Variants in VPS13D observed in about 807,000 individuals in gnomAD.
The protein encoded by VPS13D is vacuolar protein sorting 13 homolog D.
VPS13D carries 187 observed loss-of-function variants against 461.9 expected under a neutral mutation model. That is an observed-to-expected ratio of 0.40 (90% CI 0.36 to 0.46). The LOEUF (loss-of-function observed/expected upper bound fraction) is 0.46, where lower values mean the gene tolerates loss of function less well. VPS13D is among the 20% of genes least tolerant of loss of function. The probability of loss-of-function intolerance (pLI) is 0.60; values close to 1 mark genes in which losing one functional copy is unlikely to be tolerated. For synonymous variants in VPS13D, 1,951 were observed against 1,986.3 expected (o/e 0.98, Z 0.47); for missense variants, 4,711 against 5,364.9 (o/e 0.88, Z 3.81).
chr1:12,244,607 A>G lies in VPS13D; in HGVS notation c.437A>G (p.Glu146Gly). The G allele has an allele frequency of 6.2e-7, 1 of 1,614,000 alleles. No homozygotes were observed. The highest frequency in any genetic ancestry group is 1.1e-5 in the South Asian group (1 of 91,074). ...GCCTCCGTAGTTACAAGGATTGTGG[A>G]GAATATTGAAGTAAGTCCTGCTGAC... ...VTASVVTRIV[E>G]NIELKIQDVH... The change falls in exon 5 of 70, where the codon GAG (glutamate) becomes GGG (glycine). Residue 146 changes from glutamate to glycine, a missense_variant. This residue lies in a region of VPS13D where 4,411 missense variants were observed against 4,937.8 expected (regional missense o/e 0.89). Coordinates refer to ENST00000620676, the MANE Select transcript of VPS13D (RefSeq NM_015378.4).
At chr1:12,441,678 C>T (rs1349742456) in intron 65 of VPS13D, among the ~76,000 whole-genome samples, 2 of 152,194 alleles carry the variant, frequency 1.3e-5, no homozygotes, top group Non-Finnish European at 2.9e-5. Flanking sequence ...AGCTGTCCCC[C>T]CACCTTCCTG....
At chr1:12,412,320 C>T (rs899118472) in intron 63 of VPS13D, among the ~76,000 whole-genome samples, 1 of 152,196 alleles carries the variant, frequency 6.6e-6, no homozygotes, top group Non-Finnish European at 1.5e-5. Context: ...TAAAATTTCT[C>T]TGCAGTTGAA....
At chr1:12,237,326 CAAAAAAA>C (rs60266660) in intron 2 of VPS13D, among the ~76,000 whole-genome samples, 1 of 100,864 alleles carries the variant, frequency 9.9e-6, no homozygotes. Flanking sequence ...CCCTTTTCTA[CAAAAAAA>C]AAAAAAAAAA....
chr1:12,490,298 T>C (rs1195353630), intron 67 of VPS13D, among the ~76,000 whole-genome samples: 3 of 152,224 alleles, frequency 2.0e-5, no homozygotes, highest in Non-Finnish European at 4.4e-5. Flanking sequence ...CTATTTTCCA[T>C]GTGTCCAAAA....
Position 12,276,158 on chromosome 1 carries a change from A to G in VPS13D, c.2570A>G (p.Gln857Arg). The G allele has an allele frequency of 6.2e-7, 1 of 1,614,218 alleles. No homozygotes were observed. The highest frequency in any genetic ancestry group is 1.7e-5 in the Admixed American group (1 of 60,024). ...HVVEKFNVHLQLERRLIYTSD... is the reference protein window; with the variant it reads ...HVVEKFNVHLRLERRLIYTSD... Reference sequence around the variant, plus strand: ...GTAGAGAAGTTCAACGTTCACCTACAGTTAGAGCGTCGATTGATTTATACT... The same window carrying G: ...GTAGAGAAGTTCAACGTTCACCTACGGTTAGAGCGTCGATTGATTTATACT... The change falls in exon 19 of 70, where the codon CAG becomes CGG. Residue 857 changes from glutamine (Q) to arginine (R), a missense_variant. Coordinates refer to ENST00000620676, the MANE Select transcript of VPS13D (RefSeq NM_015378.4). This position sits in a 1 kb window ranked among gnomAD's most constrained non-coding sequence, Gnocchi z 4.5.
chr1:12,335,224 G>A (rs936563913), intron 38 of VPS13D, among the ~76,000 whole-genome samples: 2 of 152,088 alleles, frequency 1.3e-5, no homozygotes, highest in African/African-American at 2.4e-5. Flanking sequence ...ACGCCACCAC[G>A]CCTACATAAG....
chr1:12,507,462 G>A lies in VPS13D; in HGVS notation c.13035+369G>A. 2 of 478,652 alleles carry A rather than the reference G, an allele frequency of 4.2e-6. No homozygotes were observed. Among genetic ancestry groups the A allele is most frequent in the Non-Finnish European group, 4.1e-6 (1 of 243,590 alleles). The allele number at this position is 478,652 out of a possible 1,614,324, so 29.7% of individuals were successfully genotyped here. On this transcript the variant is annotated intron_variant, in intron 69 of 69. Transcript: ENST00000620676. The surrounding 1 kb of genome is among the most constrained non-coding windows in gnomAD (Gnocchi z 5.3). The stretch of plus-strand genomic sequence containing the variant: ...TCTTCAGTGCACCAAATCGAAGAAA[G>A]CACTGGAGCTCACGCTGGTTTCTCC...
intron 13 of VPS13D, among the ~76,000 whole-genome samples, chr1:12,263,697 GA>G (rs1341824012): frequency 2.6e-5 from 4 of 152,254 alleles, no homozygotes; most frequent in African/African-American, 9.6e-5. Context: ...AAGGACAAAT[GA>G]TTTTTTTTAA....
intron 46 of VPS13D, among the ~76,000 whole-genome samples, chr1:12,351,094 T>C (rs1643780907): frequency 6.6e-6 from 1 of 152,198 alleles, no homozygotes; most frequent in East Asian, 1.9e-4. Context: ...ACATTACTAG[T>C]GAATTCTACC....
intron 49 of VPS13D, among the ~76,000 whole-genome samples, chr1:12,358,000 CCT>C (rs1185871848): frequency 1.4e-5 from 2 of 147,564 alleles, no homozygotes; most frequent in African/African-American, 5.0e-5. Flanking sequence ...CAAGATTCCA[CCT>C]CAAAAAAAAA....
At chr1:12,254,123 A>G (rs1188542338) in intron 7 of VPS13D, among the ~76,000 whole-genome samples, 2 of 152,188 alleles carry the variant, frequency 1.3e-5, no homozygotes, top group African/African-American at 2.4e-5. Flanking sequence ...TGTACTTCCA[A>G]TTCATTGCTC....
In VPS13D at chr1:12,413,081, C is replaced by T. The variant is rs190307624; in HGVS notation, c.12031-2006C>T. Among the ~76,000 whole-genome samples the T allele has an allele frequency of 3.2e-4, 49 of 152,262 alleles. No individual in the cohort carries two copies. In the East Asian group the frequency reaches 4.4e-3, roughly 14 times the overall value. ...TCACTTCTCAACTGAAAAGAGACTA[C>T]GCTGAGGTACCATTACACACCCATC... is the stretch of plus-strand genomic sequence containing the variant. On this transcript the variant is annotated intron_variant, in intron 63 of 69. Transcript: ENST00000620676.
At chr1:12,358,677 A>G (rs1557731202) in intron 50 of VPS13D, 76 bp downstream of exon 50, 6 of 1,561,596 alleles carry the variant, frequency 3.8e-6, no homozygotes, top group Admixed American at 3.8e-5. Flanking sequence ...TGACCTGGCC[A>G]TGCATTTTGG....
At chr1:12,312,446 G>A (rs1047192982) in intron 29 of VPS13D, among the ~76,000 whole-genome samples, 3 of 152,182 alleles carry the variant, frequency 2.0e-5, no homozygotes, top group Non-Finnish European at 2.9e-5. Context: ...CAGCATTGAT[G>A]CCTTGCTGGC....
Position 12,507,232 on chromosome 1 carries a change from T to C in VPS13D, c.13035+139T>C. 1 of 1,474,794 alleles carries C rather than the reference T, an allele frequency of 6.8e-7. No homozygotes were observed. The highest frequency in any genetic ancestry group is 9.4e-7 in the Non-Finnish European group (1 of 1,064,692). The allele number at this position is 1,474,794 out of a possible 1,614,324, so 91.4% of individuals were successfully genotyped here. On this transcript the variant is annotated intron_variant, in intron 69 of 69. Transcript: ENST00000620676. The surrounding 1 kb of genome is among the most constrained non-coding windows in gnomAD (Gnocchi z 5.3). ...TCCCAGGAGTGCTGCCTCTCAGTCCTGAACATGGGAGGGGCCCAGGGTATG... is the reference window on the plus strand; with the variant it reads ...TCCCAGGAGTGCTGCCTCTCAGTCCCGAACATGGGAGGGGCCCAGGGTATG...
chr1:12,478,155 C>G (rs936084072), intron 67 of VPS13D, among the ~76,000 whole-genome samples: 6 of 152,232 alleles, frequency 3.9e-5, no homozygotes, highest in African/African-American at 9.6e-5. Context: ...TTTGCCCTTC[C>G]CCTGAACTCT....
intron 63 of VPS13D, among the ~76,000 whole-genome samples, chr1:12,408,651 C>T (rs1644685619): frequency 6.6e-6 from 1 of 152,226 alleles, no homozygotes; most frequent in African/African-American, 2.4e-5. Flanking sequence ...AGGCATGAGC[C>T]GCTGGGCCCA....
chr1:12,471,439 C>T (rs193105401), intron 67 of VPS13D, among the ~76,000 whole-genome samples: 2 of 152,220 alleles, frequency 1.3e-5, no homozygotes, highest in African/African-American at 4.8e-5. Flanking sequence ...TTCTAAATGT[C>T]TAAAACCAAA....
rs1646109107 is a variant in VPS13D, at chr1:12,506,496, C to G, written c.12795-357C>G. ...TGAACCTGTTTAATTCTGCTTTTCC[C>G]CCCTCAGCTTTCAGCGCCCCCAGCT... On this transcript the variant is annotated intron_variant, in intron 68 of 69. Coordinates refer to ENST00000620676, the MANE Select transcript of VPS13D (RefSeq NM_015378.4). Among the ~76,000 whole-genome samples, 4 of 152,108 alleles carry G rather than the reference C, an allele frequency of 2.6e-5. No individual in the cohort carries two copies. The South Asian group carries it at 6.2e-4, about 24-fold the overall frequency.
Sources: gnomAD v4.1 joint callset for allele counts (sites outside exome capture counted in the v4.1 genomes callset) on GRCh38, gnomAD v4.1.1 for gene constraint, gnomAD v4.1.1 regional missense constraint, Gnocchi (gnomAD v3.1) non-coding constraint, MANE v1.5 for transcripts, NCBI Gene and HGNC (gene_info 2026-07-23, HGNC 2026-07-21) for gene names.